Variants in LRBA observed in about 807,000 individuals in gnomAD.
The protein encoded by LRBA is LPS responsive beige-like anchor protein, also known as lipopolysaccharide-responsive and beige-like anchor protein.
In LRBA, 176 loss-of-function variants were observed where a neutral mutation model predicts 330.0. The ratio of observed to expected loss-of-function variants is 0.53; its 90% CI spans 0.47 to 0.60. The LOEUF (loss-of-function observed/expected upper bound fraction) is 0.60. Among genes scored for constraint, LRBA ranks in the 20% least tolerant of loss-of-function variants. The pLI, the probability that LRBA is intolerant of heterozygous loss-of-function variation, is 0.00. For synonymous variants in LRBA, 1,230 were observed against 1,193.0 expected, an observed-to-expected ratio of 1.03 and a Z score of -0.64; for missense variants, 3,259 against 3,444.8, an observed-to-expected ratio of 0.95 and a Z score of 1.35.
At chr4:150,794,039 T>A (rs931274260) in intron 34 of LRBA, among the ~76,000 whole-genome samples, 3 of 152,188 alleles carry the variant, frequency 2.0e-5, no homozygotes, top group Non-Finnish European at 4.4e-5. Flanking sequence ...GATATGATCC[T>A]CGAAGAATGA....
chr4:150,921,058 C>T (rs778101639), intron 5 of LRBA, 140 bp downstream of exon 5: 69 of 533,552 alleles, frequency 1.3e-4, no homozygotes, highest in Non-Finnish European at 2.2e-4. Context: ...GTAACATGCA[C>T]GACTATCATA....
chr4:150,849,373 A>G (rs374041774), intron 25 of LRBA, 49 bp downstream of exon 25: 11 of 1,562,404 alleles, frequency 7.0e-6, no homozygotes, highest in South Asian at 1.1e-5. Flanking sequence ...ATAAAGTTGC[A>G]TAACACTCAT....
At chr4:150,721,506 GA>G (rs1395312470) in intron 36 of LRBA, 1 of 224,074 alleles carries the variant, frequency 4.5e-6, no homozygotes, top group Admixed American at 5.9e-5. Flanking sequence ...CTCCTAAGAA[GA>G]ACTGGGTTTT....
At chr4:150,894,569 C>G (rs960375619) in intron 16 of LRBA, among the ~76,000 whole-genome samples, 2 of 152,200 alleles carry the variant, frequency 1.3e-5, no homozygotes, top group Non-Finnish European at 2.9e-5. Flanking sequence ...AGGCAAACAG[C>G]TAACAGAGTT....
intron 37 of LRBA, among the ~76,000 whole-genome samples, chr4:150,658,505 G>GTCTCCTCCC (rs1561481081): frequency 9.5e-5 from 2 of 21,100 alleles, no homozygotes; most frequent in Non-Finnish European, 6.7e-4. Flanking sequence ...GAAAATAAAA[G>GTCTCCTCCC]TCTCCCTCTC....
At chr4:150,942,289 T>C (rs573282591) in intron 2 of LRBA, among the ~76,000 whole-genome samples, 82 of 152,164 alleles carry the variant, frequency 5.4e-4, no homozygotes, top group Non-Finnish European at 9.6e-4. Flanking sequence ...AAAAACTATG[T>C]CCATGTCCCA....
chr4:151,007,044 G>A (rs1744148585), intron 2 of LRBA, among the ~76,000 whole-genome samples: 3 of 152,096 alleles, frequency 2.0e-5, no homozygotes, highest in African/African-American at 7.2e-5. Flanking sequence ...TTTAAAACTC[G>A]CCACAAATCT....
intron 50 of LRBA, among the ~76,000 whole-genome samples, chr4:150,315,949 C>T (rs968592877): frequency 8.5e-5 from 13 of 152,120 alleles, no homozygotes; most frequent in South Asian, 8.3e-4. Context: ...AATGTGACAA[C>T]CATCTGCTGA....
chr4:150,270,231 T>C (rs1014184323), intron 56 of LRBA, among the ~76,000 whole-genome samples: 2 of 152,174 alleles, frequency 1.3e-5, no homozygotes, highest in Admixed American at 1.3e-4. Context: ...CCAAAAGGAC[T>C]GTAAAAAGGG....
chr4:150,744,955 T>G (rs1189543361), intron 35 of LRBA, among the ~76,000 whole-genome samples: 2 of 152,198 alleles, frequency 1.3e-5, no homozygotes, highest in Non-Finnish European at 2.9e-5. Flanking sequence ...ACTGCAGAGA[T>G]TCTCCTGCCA....
At chr4:150,837,387 C>T (rs9685450) in intron 28 of LRBA, among the ~76,000 whole-genome samples, 126,634 of 152,014 alleles carry the variant, frequency 0.83, 53,993 homozygotes, top group Non-Finnish European at 0.94. Flanking sequence ...CTAATGTTGA[C>T]GGTGGGGTGT....
intron 40 of LRBA, chr4:150,579,911 C>G (rs1174799276): frequency 3.5e-5 from 12 of 346,128 alleles, no homozygotes; most frequent in Non-Finnish European, 1.2e-5. Flanking sequence ...GCTCCGCACC[C>G]TCTATCCCCG....
intron 42 of LRBA, among the ~76,000 whole-genome samples, chr4:150,482,902 CAT>C (rs1301624375): frequency 6.6e-6 from 1 of 151,954 alleles, no homozygotes; most frequent in African/African-American, 2.4e-5. Flanking sequence ...ATGTTTCCTA[CAT>C]ATCCTGGATG....
At chr4:150,617,980 T>G (rs992358867) in intron 37 of LRBA, among the ~76,000 whole-genome samples, 1 of 152,000 alleles carries the variant, frequency 6.6e-6, no homozygotes, top group Non-Finnish European at 1.5e-5. Flanking sequence ...GGTGCGAGCC[T>G]GTAGTCCCAG....
At chr4:150,639,765 A>ATATATATATATGTG (rs1778361320) in intron 37 of LRBA, among the ~76,000 whole-genome samples, 2 of 5,364 alleles carry the variant, frequency 3.7e-4, no homozygotes, top group African/African-American at 1.1e-3. Flanking sequence ...ATATATATAT[A>ATATATATATATGTG]TATATATATA....
At chr4:150,921,791 T>A (rs1733305886) in intron 4 of LRBA, among the ~76,000 whole-genome samples, 1 of 152,102 alleles carries the variant, frequency 6.6e-6, no homozygotes, top group Non-Finnish European at 1.5e-5. Flanking sequence ...AATGGCATGA[T>A]CTCGGCTCAC....
At chr4:150,278,422 C>T (rs1747088738) in intron 55 of LRBA, among the ~76,000 whole-genome samples, 1 of 152,066 alleles carries the variant, frequency 6.6e-6, no homozygotes, top group Admixed American at 6.6e-5. Flanking sequence ...TCCCCTGCAA[C>T]TCCAGCTGGA....
At chr4:150,371,182 ATTTT>A (rs70937395) in intron 47 of LRBA, among the ~76,000 whole-genome samples, 50 of 91,924 alleles carry the variant, frequency 5.4e-4, no homozygotes, top group African/African-American at 2.4e-3. Context: ...AAGCTACTAA[ATTTT>A]TTTTTTTTTT....
chr4:150,838,435 A>C (rs1244192047), intron 28 of LRBA, among the ~76,000 whole-genome samples: 1 of 152,154 alleles, frequency 6.6e-6, no homozygotes, highest in Non-Finnish European at 1.5e-5. Context: ...CACCAATCAG[A>C]CGTAGATTTG....
Sources: allele counts gnomAD v4.1 joint callset (sites outside exome capture counted in the v4.1 genomes callset), GRCh38; gene constraint gnomAD v4.1.1; transcripts MANE v1.5; gene names NCBI Gene and HGNC (gene_info 2026-07-23, HGNC 2026-07-21).